Variants in PCDHA4 observed in about 807,000 individuals in gnomAD.
PCDHA4 encodes protocadherin alpha-4.
Under a neutral mutation model 61.4 loss-of-function variants are expected in PCDHA4, and 49 were observed. That is an observed-to-expected ratio of 0.80 (90% CI 0.63 to 1.01). The LOEUF is 1.01. PCDHA4 is among the 50% of genes least tolerant of loss of function. The probability of loss-of-function intolerance (pLI) is 0.00; values close to 1 mark genes in which losing one functional copy is unlikely to be tolerated. For missense variants in PCDHA4, 1,254 were observed against 1,235.8 expected, an observed-to-expected ratio of 1.01 and a Z score of -0.22; for synonymous variants, 590 against 550.3, an observed-to-expected ratio of 1.07 and a Z score of -1.01.
At chr5:140,883,040 G>A (rs994931084) in intron 1 of PCDHA4, 1 of 1,614,062 alleles carries the variant, frequency 6.2e-7, no homozygotes, top group Non-Finnish European at 8.5e-7. Flanking sequence ...CGCCTTCAAT[G>A]GAACATTAGT....
In PCDHA4 at chr5:140,807,469, G is replaced by C. The variant is rs546275072; in HGVS notation, c.282G>C (p.Glu94Asp). ...LFVNSRIDREELCRRSAECSI... is the reference protein window; with the variant it reads ...LFVNSRIDREDLCRRSAECSI... The stretch of plus-strand genomic sequence containing the variant: ...TGAATTCTCGGATCGACCGGGAGGA[G>C]CTGTGCCGGCGGAGCGCGGAGTGCA... The change falls in exon 1 of 4, where the codon GAG (glutamate) becomes GAC (aspartate). Residue 94 changes from glutamate to aspartate, a missense_variant. By Grantham distance (45) the Glu-to-Asp change is conservative. Coordinates refer to ENST00000530339, the MANE Select transcript of PCDHA4 (RefSeq NM_018907.4). 5 of 1,612,860 alleles carry C rather than the reference G, an allele frequency of 3.1e-6. No homozygotes were observed.
chr5:140,893,693 T>G (rs868968555), intron 1 of PCDHA4, among the ~76,000 whole-genome samples: 43 of 152,366 alleles, frequency 2.8e-4, no homozygotes, highest in Middle Eastern at 3.4e-3. Context: ...CATCTCATTC[T>G]ATCCTAGCCT....
At chr5:140,865,393 T>C (rs1484152946) in intron 1 of PCDHA4, 1 of 152,180 alleles carries the variant, frequency 6.6e-6, no homozygotes, top group Admixed American at 6.5e-5. Flanking sequence ...AAAGTTAATA[T>C]AAATGCTGAA....
chr5:140,967,034 C>T (rs782810130), intron 1 of PCDHA4: 9 of 1,610,726 alleles, frequency 5.6e-6, no homozygotes, highest in Non-Finnish European at 2.5e-6. Flanking sequence ...TCCGCGCTAC[C>T]TGGAGCTGGA....
intron 1 of PCDHA4, chr5:140,969,096 A>T: frequency 6.2e-7 from 1 of 1,614,162 alleles, no homozygotes; most frequent in Non-Finnish European, 8.5e-7. Flanking sequence ...GTGCAGCCTC[A>T]CTTCATTGAA....
chr5:140,899,407 T>C (rs1183210224), intron 1 of PCDHA4, among the ~76,000 whole-genome samples: 2 of 152,226 alleles, frequency 1.3e-5, no homozygotes, highest in Non-Finnish European at 2.9e-5. Context: ...TGAAGGGTTG[T>C]TGAATTTTGT....
intron 3 of PCDHA4, among the ~76,000 whole-genome samples, chr5:140,992,707 C>T (rs1554253127): frequency 1.3e-5 from 2 of 152,056 alleles, no homozygotes; most frequent in Admixed American, 1.3e-4. Flanking sequence ...AATGTTCCTG[C>T]CAGTATTCGT....
chr5:140,993,256 A>C lies in PCDHA4; in HGVS notation c.2533+10693A>C, dbSNP rs1419636248. Among the ~76,000 whole-genome samples, 3 of 152,148 alleles carry C rather than the reference A, an allele frequency of 2.0e-5. No homozygotes were observed. In the East Asian group the frequency reaches 5.8e-4, roughly 29 times the overall value. On this transcript the variant is annotated intron_variant, in intron 3 of 3. Coordinates refer to ENST00000530339, the MANE Select transcript of PCDHA4 (RefSeq NM_018907.4). The stretch of plus-strand genomic sequence containing the variant: ...CTGAATCTGGGGATTTAGATATATA[A>C]ATTAGCTTCTTTGGTCTTTTCTTGC...
intron 1 of PCDHA4, among the ~76,000 whole-genome samples, chr5:140,909,973 G>A (rs2074802854): frequency 6.6e-6 from 1 of 152,198 alleles, no homozygotes; most frequent in Admixed American, 6.5e-5. Context: ...GGGGAAGGAT[G>A]GGAGAAAGAC....
rs570308036 is a variant in PCDHA4 at position 140,863,611 on chromosome 5, C to T, written c.2385+54039C>T. 129 of 339,126 alleles carry T rather than the reference C, an allele frequency of 3.8e-4. 2 individuals are homozygous for T. The highest frequency in any genetic ancestry group is 3.0e-3 in the South Asian group (124 of 41,340). The allele number at this position is 339,126 out of a possible 1,614,324, so 21.0% of individuals were successfully genotyped here. A position where few individuals can be genotyped will look rare whatever the true frequency, so the allele number is the denominator to read the frequency against. On this transcript the variant is annotated intron_variant, in intron 1 of 3. Coordinates refer to ENST00000530339, the MANE Select transcript of PCDHA4 (RefSeq NM_018907.4). ...AAGTATTTCATTCCTATTAATGTCC[C>T]TCATAGTGACATTGATAATGTTCAC...
At chr5:140,893,634 T>C (rs2064095604) in intron 1 of PCDHA4, among the ~76,000 whole-genome samples, 1 of 152,236 alleles carries the variant, frequency 6.6e-6, no homozygotes, top group Admixed American at 6.5e-5. Flanking sequence ...CTGCTTGGTA[T>C]AGTATTTTTG....
At position 140,808,552 on chromosome 5, in the gene PCDHA4, C is replaced by T; in HGVS notation, c.1365C>T (p.Phe455=). 4 of 1,614,114 alleles carry T rather than the reference C, an allele frequency of 2.5e-6. No homozygotes were observed. Among genetic ancestry groups the T allele is most frequent in the Non-Finnish European group, 2.5e-6 (3 of 1,180,036 alleles). Reference sequence around the variant, plus strand: ...ATGTGAACGACAACGCTCCGGCGTTCGCGCAGCCCGAGTACACAGTGTTCG... The same window carrying T: ...ATGTGAACGACAACGCTCCGGCGTTTGCGCAGCCCGAGTACACAGTGTTCG... ...VADVNDNAPA[F]AQPEYTVFVK... Residue 455 remains phenylalanine (F), a synonymous_variant, in exon 1 of 4, where the codon TTC becomes TTT. Coordinates refer to ENST00000530339, the MANE Select transcript of PCDHA4 (RefSeq NM_018907.4).
chr5:140,929,064 T>A (rs550251743), intron 1 of PCDHA4: 1 of 1,614,162 alleles, frequency 6.2e-7, no homozygotes, highest in South Asian at 1.1e-5. Context: ...CTACAGAGGA[T>A]CTGAGGTATG....
At chr5:140,856,703 C>T (rs1413055800) in intron 1 of PCDHA4, 1 of 1,596,452 alleles carries the variant, frequency 6.3e-7, no homozygotes, top group Non-Finnish European at 8.6e-7. Context: ...TGGAGGCAAA[C>T]CTGAATTTAC....
At chr5:140,876,956 T>A in intron 1 of PCDHA4, 1 of 1,613,342 alleles carries the variant, frequency 6.2e-7, no homozygotes, top group Non-Finnish European at 8.5e-7. Flanking sequence ...TACTCGCTGG[T>A]GGAGCGGCGG....
rs782583674 is a variant in PCDHA4 at position 140,807,684 on chromosome 5, C to G, written c.497C>G (p.Ala166Gly). Reference protein sequence around the residue: ...GASDADIGENALLTYRLSPNE... With the variant: ...GASDADIGENGLLTYRLSPNE... ...TCGGATGCAGATATCGGGGAGAACGCCCTGCTCACTTACAGACTGAGCCCA... is the reference window on the plus strand; with the variant it reads ...TCGGATGCAGATATCGGGGAGAACGGCCTGCTCACTTACAGACTGAGCCCA... Residue 166 changes from alanine to glycine, a missense_variant, in exon 1 of 4, where the codon GCC becomes GGC. Ala to Gly is a moderately conservative substitution (Grantham distance 60). Coordinates refer to ENST00000530339, the MANE Select transcript of PCDHA4 (RefSeq NM_018907.4). 1 of 1,614,118 alleles carries G rather than the reference C, an allele frequency of 6.2e-7. No individual in the cohort carries two copies. Among genetic ancestry groups the G allele is most frequent in the African/African-American group, 1.3e-5 (1 of 74,938 alleles).
intron 1 of PCDHA4, chr5:140,968,812 T>C (rs782711806): frequency 6.2e-7 from 1 of 1,614,064 alleles, no homozygotes; most frequent in Non-Finnish European, 8.5e-7. Context: ...CTGTGGTGGA[T>C]AGGGTTTCCA....
intron 1 of PCDHA4, among the ~76,000 whole-genome samples, chr5:140,826,854 T>C (rs2150145601): frequency 0.058 from 8,891 of 152,210 alleles, 860 homozygotes; most frequent in African/African-American, 0.2. Context: ...TCTTGCAATT[T>C]CTAGGTTTAG....
chr5:140,854,753 A>G (rs1305589005), intron 1 of PCDHA4: 1 of 149,806 alleles, frequency 6.7e-6, no homozygotes, highest in Non-Finnish European at 1.5e-5. Context: ...GATATATTAC[A>G]TTTTCATTCC....
Sources: gnomAD v4.1 joint callset for allele counts (sites outside exome capture counted in the v4.1 genomes callset) on GRCh38, gnomAD v4.1.1 for gene constraint, MANE v1.5 for transcripts, NCBI Gene and HGNC (gene_info 2026-07-23, HGNC 2026-07-21) for gene names.